Variants in DENR observed in about 807,000 individuals in gnomAD.
DENR encodes density-regulated protein.
Under a neutral mutation model 30.6 loss-of-function variants are expected in DENR, and 6 were observed. The observed-to-expected ratio is 0.20, with a 90% CI of 0.11 to 0.39. DENR has a LOEUF of 0.39. DENR is among the 10% of genes least tolerant of loss of function. The pLI is 1.00. For missense variants in DENR, 141 were observed against 230.9 expected (o/e 0.61, Z 2.52); for synonymous variants, 78 against 72.1 (o/e 1.08, Z -0.41).
intron 3 of DENR, among the ~76,000 whole-genome samples, chr12:122,762,606 C>G (rs1340493444): frequency 5.3e-5 from 8 of 152,152 alleles, no homozygotes; most frequent in African/African-American, 1.9e-4. Context: ...GTGCTCAAAG[C>G]AAGAAATAGA....
At chr12:122,760,181 T>G (rs1202490379) in intron 2 of DENR, among the ~76,000 whole-genome samples, 1 of 152,216 alleles carries the variant, frequency 6.6e-6, no homozygotes, top group East Asian at 1.9e-4. Flanking sequence ...ACAGGCAGAT[T>G]CAAATCCTGT....
chr12:122,761,118 C>CT (rs1878688156), intron 2 of DENR, among the ~76,000 whole-genome samples: 1 of 151,402 alleles, frequency 6.6e-6, no homozygotes, highest in African/African-American at 2.4e-5. Flanking sequence ...GACCCTTACT[C>CT]TAAAAAAAAT....
At chr12:122,764,639 A>G (rs1184650629) in intron 4 of DENR, among the ~76,000 whole-genome samples, 2 of 152,172 alleles carry the variant, frequency 1.3e-5, no homozygotes, top group East Asian at 3.8e-4. Flanking sequence ...TGGGAAGACT[A>G]TGGAGGAACA....
In DENR at chr12:122,770,663, GTGT is replaced by G; in HGVS notation, c.*1587_*1589del. ...CTGCAAATTGGAAAGAAGACTTGTGGTGTTTTAAGTTGCTGTGGACACTTTTAA... is the reference window on the plus strand; with the variant it reads ...CTGCAAATTGGAAAGAAGACTTGTGGTTTAAGTTGCTGTGGACACTTTTAA... On this transcript the variant is annotated 3_prime_UTR_variant, in exon 8 of 8. Transcript: ENST00000280557. 1 of 398,508 alleles carries G rather than the reference GTGT, an allele frequency of 2.5e-6. No homozygotes were observed. The highest frequency in any genetic ancestry group is 4.4e-6 in the Non-Finnish European group (1 of 226,030). 24.7% of individuals were successfully genotyped at this position (398,508 alleles called of 1,614,324 possible). A position where few individuals can be genotyped will look rare whatever the true frequency, so the allele number is the denominator to read the frequency against.
rs1473780441 is a variant in DENR, at chr12:122,767,494, G to A, written c.302G>A (p.Arg101Lys). Residue 101 changes from arginine (R) to lysine (K), a missense_variant, in exon 6 of 8, where the codon AGG becomes AAG. Physicochemically the swap from Arg to Lys is conservative, Grantham distance 26 (BLOSUM62 2). Transcript: ENST00000280557. ...TCTTTCTTAATAAATAAAGGTGGAA[G>A]GGGTCAAATAAAACAAAAAAAGAAG... is the stretch of plus-strand genomic sequence containing the variant. ...EEKKKQKRGG[R>K]GQIKQKKKTV... 1.3e-6 allele frequency: 2 copies of A among 1,553,094 alleles called. No individual in the cohort carries two copies. Among genetic ancestry groups the A allele is most frequent in the Non-Finnish European group, 1.7e-6 (2 of 1,150,646 alleles).
chr12:122,753,658 A>C (rs757023572), intron 1 of DENR, 35 bp from the exon 2 acceptor site: 16 of 1,533,952 alleles, frequency 1.0e-5, no homozygotes, highest in Non-Finnish European at 1.4e-5. Flanking sequence ...CTTGATTCTA[A>C]AATAGTGAGG....
intron 5 of DENR, among the ~76,000 whole-genome samples, chr12:122,766,870 A>G (rs1282514301): frequency 1.3e-5 from 2 of 152,184 alleles, no homozygotes; most frequent in Non-Finnish European, 1.5e-5. Context: ...TACTCTTCAC[A>G]GATCCACCGA....
chr12:122,758,845 TATTTA>T (rs1566059160), intron 2 of DENR, among the ~76,000 whole-genome samples: 5 of 55,964 alleles, frequency 8.9e-5, no homozygotes, highest in Non-Finnish European at 1.3e-4. Context: ...CTTAATTTTT[TATTTA>T]TTTATTTTTT....
intron 2 of DENR, among the ~76,000 whole-genome samples, chr12:122,760,680 G>A (rs113204814): frequency 0.052 from 7,906 of 152,214 alleles, 284 homozygotes; most frequent in Middle Eastern, 0.071. Context: ...GCAGTGAGCC[G>A]AGATAGTGCT....
chr12:122,768,945 C>T (rs528184883), intron 7 of DENR, 24 bp downstream of exon 7: 54 of 1,603,536 alleles, frequency 3.4e-5, no homozygotes, highest in African/African-American at 5.4e-5. Context: ...ACACATACAT[C>T]GCTAGAGATA....
At chr12:122,756,653 GTATT>G (rs1383254090) in intron 2 of DENR, among the ~76,000 whole-genome samples, 1 of 152,192 alleles carries the variant, frequency 6.6e-6, no homozygotes, top group Non-Finnish European at 1.5e-5. Flanking sequence ...AGGTAGGAAA[GTATT>G]TAATAGTGGG....
intron 1 of DENR, 138 bp from the exon 2 acceptor site, chr12:122,753,555 C>T (rs769474789): frequency 1.5e-6 from 1 of 659,266 alleles, no homozygotes; most frequent in South Asian, 1.7e-5. Flanking sequence ...TTTTATGAAT[C>T]GAATGCAGCT....
At chr12:122,766,413 G>A (rs1213578992) in intron 5 of DENR, among the ~76,000 whole-genome samples, 1 of 152,104 alleles carries the variant, frequency 6.6e-6, no homozygotes, top group East Asian at 1.9e-4. Context: ...TTCTGTCCTA[G>A]GCCCACTTAC....
At chr12:122,766,805 C>G (rs947914023) in intron 5 of DENR, among the ~76,000 whole-genome samples, 1 of 152,154 alleles carries the variant, frequency 6.6e-6, no homozygotes, top group Non-Finnish European at 1.5e-5. Flanking sequence ...GCTTTACTTT[C>G]AATTTTTTGC....
intron 2 of DENR, among the ~76,000 whole-genome samples, chr12:122,754,896 CAAAGA>C (rs1282304766): frequency 6.6e-6 from 1 of 151,928 alleles, no homozygotes; most frequent in Non-Finnish European, 1.5e-5. Context: ...GAGGGTTAAT[CAAAGA>C]AAAGATACAA....
intron 2 of DENR, among the ~76,000 whole-genome samples, chr12:122,760,951 A>C (rs1467481765): frequency 6.6e-6 from 1 of 152,020 alleles, no homozygotes; most frequent in Non-Finnish European, 1.5e-5. Flanking sequence ...CCGTCTCTAC[A>C]AAAATAAAAA....
At chr12:122,754,173 A>C in intron 2 of DENR, 1 of 284,624 alleles carries the variant, frequency 3.5e-6, no homozygotes, top group Non-Finnish European at 7.0e-6. Context: ...GTCCCAGACA[A>C]AGCGCACGAC....
At chr12:122,765,571 C>T (rs1253090676) in intron 5 of DENR, among the ~76,000 whole-genome samples, 184 bp downstream of exon 5, 4 of 152,114 alleles carry the variant, frequency 2.6e-5, no homozygotes, top group Non-Finnish European at 5.9e-5. Context: ...ATGCAATGAT[C>T]GTTCCTCCAC....
intron 1 of DENR, 37 bp from the exon 2 acceptor site, chr12:122,753,656 T>A (rs1406408013): frequency 6.5e-7 from 1 of 1,526,880 alleles, no homozygotes; most frequent in Non-Finnish European, 9.0e-7. Context: ...GTCTTGATTC[T>A]AAAATAGTGA....
Sources: allele counts gnomAD v4.1 joint callset (sites outside exome capture counted in the v4.1 genomes callset), GRCh38; gene constraint gnomAD v4.1.1; transcripts MANE v1.5; gene names NCBI Gene and HGNC (gene_info 2026-07-23, HGNC 2026-07-21).